KCNK2: variants seen among roughly 807,000 people sequenced by gnomAD.
The protein encoded by KCNK2 is potassium channel subfamily K member 2.
In KCNK2, 21 loss-of-function variants were observed where a neutral mutation model predicts 40.5. The ratio of observed to expected loss-of-function variants is 0.52; its 90% CI spans 0.37 to 0.75. KCNK2 has a LOEUF of 0.75. Among genes scored for constraint, KCNK2 ranks in the 30% least tolerant of loss-of-function variants. KCNK2 has a pLI of 0.00. For missense variants in KCNK2, 399 were observed against 531.6 expected, an observed-to-expected ratio of 0.75 and a Z score of 2.45; for synonymous variants, 191 against 202.2, an observed-to-expected ratio of 0.94 and a Z score of 0.47.
intron 2 of KCNK2, among the ~76,000 whole-genome samples, chr1:215,098,139 A>G (rs1660059304): frequency 6.6e-6 from 1 of 151,860 alleles, no homozygotes; most frequent in South Asian, 2.1e-4. Flanking sequence ...TGCCTATTTG[A>G]GTTGTCCTTT....
intron 2 of KCNK2, among the ~76,000 whole-genome samples, chr1:215,096,324 C>T (rs1425814588): frequency 6.6e-6 from 1 of 151,642 alleles, no homozygotes; most frequent in Non-Finnish European, 1.5e-5. Flanking sequence ...GATTTAGTAA[C>T]ATTTTTTTCC....
rs965848716 is a variant in KCNK2 at position 215,082,954 on chromosome 1, G to A, written c.-432G>A. Among the ~76,000 whole-genome samples the A allele has an allele frequency of 4.7e-5, 7 of 148,378 alleles. No individual in the cohort carries two copies. Among genetic ancestry groups the A allele is most frequent in the African/African-American group, 7.3e-5 (3 of 40,924 alleles). ...CTGGGGCTGCACCCACCGCCCCCGC[G>A]CCGCGCCGTGCCGGGGCCGGGCCAG... On this transcript the variant is annotated 5_prime_UTR_variant, in exon 1 of 7. Coordinates refer to ENST00000444842, the MANE Select transcript of KCNK2 (RefSeq NM_001017425.3).
chr1:215,063,369 G>A (rs1658425097), intron 1 of KCNK2, among the ~76,000 whole-genome samples: 1 of 152,180 alleles, frequency 6.6e-6, no homozygotes, highest in Admixed American at 6.5e-5. Context: ...AACAGATACG[G>A]TGGTGGCAGG....
intron 3 of KCNK2, among the ~76,000 whole-genome samples, chr1:215,137,218 T>A (rs1661962738): frequency 6.6e-6 from 1 of 152,194 alleles, no homozygotes; most frequent in Admixed American, 6.5e-5. Flanking sequence ...AATGATCACT[T>A]AACAAGGTCA....
chr1:215,222,223 T>G (rs1666208661), intron 6 of KCNK2, among the ~76,000 whole-genome samples: 1 of 151,582 alleles, frequency 6.6e-6, no homozygotes, highest in Admixed American at 6.6e-5. Flanking sequence ...GAGATTTGGG[T>G]GGGGACAACT....
chr1:215,221,631 C>T (rs753483744), intron 6 of KCNK2, among the ~76,000 whole-genome samples: 4 of 151,672 alleles, frequency 2.6e-5, no homozygotes, highest in Non-Finnish European at 5.9e-5. Context: ...GTTAAGTAGA[C>T]TTAGTAGGAG....
chr1:215,137,570 A>G (rs1661987337), intron 3 of KCNK2, among the ~76,000 whole-genome samples: 1 of 152,192 alleles, frequency 6.6e-6, no homozygotes, highest in Admixed American at 6.5e-5. Context: ...AAGATTTATA[A>G]ATAGAATACC....
At chr1:215,142,683 AG>A (rs1354924050) in intron 3 of KCNK2, among the ~76,000 whole-genome samples, 5 of 152,096 alleles carry the variant, frequency 3.3e-5, no homozygotes, top group Non-Finnish European at 7.4e-5. Context: ...GGAATAGCAT[AG>A]TTATAGTTGG....
At chr1:215,032,051 A>G (rs1195771841) in intron 1 of KCNK2, among the ~76,000 whole-genome samples, 2 of 151,660 alleles carry the variant, frequency 1.3e-5, no homozygotes, top group African/African-American at 4.9e-5. Flanking sequence ...AGTACAGTAT[A>G]TTGATGCTAT....
intron 5 of KCNK2, among the ~76,000 whole-genome samples, chr1:215,192,368 T>A (rs1360894510): frequency 6.6e-6 from 1 of 152,202 alleles, no homozygotes; most frequent in Admixed American, 6.5e-5. Flanking sequence ...CCACTAAAAC[T>A]TGTGGGTTGA....
chr1:215,018,998 C>A (rs201303840), intron 1 of KCNK2, among the ~76,000 whole-genome samples: 12,166 of 138,810 alleles, frequency 0.088, 503 homozygotes, highest in Middle Eastern at 0.24. Flanking sequence ...CACACACACA[C>A]AAAAAAAAAA....
intron 5 of KCNK2, among the ~76,000 whole-genome samples, chr1:215,175,215 A>G (rs1663904264): frequency 6.6e-6 from 1 of 152,166 alleles, no homozygotes; most frequent in Admixed American, 6.5e-5. Flanking sequence ...TTCTGCATCT[A>G]TTGAGGTAAT....
chr1:215,128,792 A>G (rs1360080415), intron 3 of KCNK2, among the ~76,000 whole-genome samples: 2 of 152,230 alleles, frequency 1.3e-5, no homozygotes, highest in Non-Finnish European at 2.9e-5. Flanking sequence ...TGTTTAAAGG[A>G]ATTGTTTAAA....
At chr1:215,043,207 G>T (rs992097948) in intron 1 of KCNK2, among the ~76,000 whole-genome samples, 3 of 152,202 alleles carry the variant, frequency 2.0e-5, no homozygotes, top group African/African-American at 7.2e-5. Flanking sequence ...TGGTGAAACT[G>T]TAAAATATAG....
At chr1:215,183,927 G>T (rs955855816) in intron 5 of KCNK2, among the ~76,000 whole-genome samples, 1 of 152,122 alleles carries the variant, frequency 6.6e-6, no homozygotes, top group Non-Finnish European at 1.5e-5. Context: ...TGTTAATTAA[G>T]GTTCAACCAG....
At chr1:215,157,893 T>C (rs1294025598) in intron 3 of KCNK2, among the ~76,000 whole-genome samples, 1 of 152,164 alleles carries the variant, frequency 6.6e-6, no homozygotes, top group African/African-American at 2.4e-5. Context: ...TCTACTTTCA[T>C]TGTACACAGG....
chr1:215,197,111 A>G (rs922817754), intron 6 of KCNK2, among the ~76,000 whole-genome samples: 3 of 152,234 alleles, frequency 2.0e-5, no homozygotes, highest in Non-Finnish European at 2.9e-5. Context: ...GATAGTACAG[A>G]GGGAAATTTT....
At chr1:215,123,589 G>C (rs919624643) in intron 2 of KCNK2, among the ~76,000 whole-genome samples, 1 of 152,046 alleles carries the variant, frequency 6.6e-6, no homozygotes, top group South Asian at 2.1e-4. Flanking sequence ...TCTTTTTCAT[G>C]TGCCTGTGAC....
chr1:215,029,732 T>C (rs905996938), intron 1 of KCNK2, among the ~76,000 whole-genome samples: 1 of 151,432 alleles, frequency 6.6e-6, no homozygotes, highest in Non-Finnish European at 1.5e-5. Context: ...ATTATTAATA[T>C]GAAACAAATT....
Sources: allele counts gnomAD v4.1 joint callset (sites outside exome capture counted in the v4.1 genomes callset), GRCh38; gene constraint gnomAD v4.1.1; transcripts MANE v1.5; gene names NCBI Gene and HGNC (gene_info 2026-07-23, HGNC 2026-07-21).